Variants in UBE2E1 observed in about 807,000 individuals in gnomAD.
UBE2E1 encodes ubiquitin-conjugating enzyme E2 E1.
In UBE2E1, 6 loss-of-function variants were observed where a neutral mutation model predicts 21.4. The observed-to-expected ratio is 0.28, with a 90% CI of 0.15 to 0.55. The LOEUF (loss-of-function observed/expected upper bound fraction) is 0.55, where lower values mean the gene tolerates loss of function less well. UBE2E1 is among the 20% of genes least tolerant of loss of function. UBE2E1 has a pLI of 0.93. For missense variants in UBE2E1, 142 were observed against 236.5 expected (o/e 0.60, Z 2.62); for synonymous variants, 87 against 82.7 (o/e 1.05, Z -0.28).
intron 3 of UBE2E1, among the ~76,000 whole-genome samples, chr3:23,833,115 A>C (rs1699904079): frequency 1.3e-5 from 2 of 152,194 alleles, no homozygotes; most frequent in Admixed American, 1.3e-4. Flanking sequence ...TCAATTTTTC[A>C]ATTTTTGTCC....
intron 4 of UBE2E1, 68 bp from the exon 5 acceptor site, chr3:23,889,043 CA>C: frequency 6.8e-7 from 1 of 1,480,500 alleles, no homozygotes; most frequent in Non-Finnish European, 9.1e-7. Flanking sequence ...TCTTAAGGGT[CA>C]TTCAGTTGAA....
intron 3 of UBE2E1, among the ~76,000 whole-genome samples, chr3:23,867,859 T>C (rs1024278590): frequency 6.6e-6 from 1 of 152,184 alleles, no homozygotes; most frequent in African/African-American, 2.4e-5. Flanking sequence ...TCCAATAAAA[T>C]GTCAGTGGAA....
intron 3 of UBE2E1, among the ~76,000 whole-genome samples, chr3:23,871,559 G>C (rs62255315): frequency 6.7e-6 from 1 of 149,434 alleles, no homozygotes; most frequent in South Asian, 2.1e-4. Flanking sequence ...GGGCGGAGAC[G>C]CTCCTCACTT....
At chr3:23,831,834 T>TA (rs1160578852) in intron 3 of UBE2E1, among the ~76,000 whole-genome samples, 1 of 152,074 alleles carries the variant, frequency 6.6e-6, no homozygotes, top group Non-Finnish European at 1.5e-5. Context: ...ATGCTGGAAT[T>TA]ACAGGTGCCC....
rs187711197 is a variant in UBE2E1, at chr3:23,856,401, G to T, written c.204-31166G>T. 1.6e-3 allele frequency among the ~76,000 whole-genome samples: 248 copies of T among 152,274 alleles called. 1 individual carries two copies. The highest frequency in any genetic ancestry group is 5.9e-3 in the African/African-American group (245 of 41,568). On this transcript the variant is annotated intron_variant, in intron 3 of 5. Coordinates refer to ENST00000306627, the MANE Select transcript of UBE2E1 (RefSeq NM_003341.5). ...AACCCTTTCTTAAAACAGATTTCAG[G>T]GAAGACAGACGTTTAAAACATTAGC...
At chr3:23,873,964 A>G (rs1236815690) in intron 3 of UBE2E1, among the ~76,000 whole-genome samples, 1 of 152,238 alleles carries the variant, frequency 6.6e-6, no homozygotes, top group East Asian at 1.9e-4. Context: ...TGAGCAAAAA[A>G]TCACTGTGCA....
At chr3:23,890,287 A>G (rs932177748) in intron 5 of UBE2E1, among the ~76,000 whole-genome samples, 2 of 152,128 alleles carry the variant, frequency 1.3e-5, no homozygotes, top group Non-Finnish European at 2.9e-5. Context: ...AACTAAGATA[A>G]AGACAGACCA....
intron 3 of UBE2E1, among the ~76,000 whole-genome samples, chr3:23,827,581 C>T (rs968212941): frequency 3.3e-5 from 5 of 152,156 alleles, no homozygotes; most frequent in African/African-American, 1.2e-4. Flanking sequence ...GGTATTTAGG[C>T]CCTGGCCTTC....
At chr3:23,812,853 T>C (rs184041647) in intron 3 of UBE2E1, among the ~76,000 whole-genome samples, 1 of 152,292 alleles carries the variant, frequency 6.6e-6, no homozygotes, top group East Asian at 1.9e-4. Context: ...TGTCTAGTTA[T>C]TGCTCCTGCT....
chr3:23,815,424 C>G (rs1295138630), intron 3 of UBE2E1, among the ~76,000 whole-genome samples: 1 of 152,128 alleles, frequency 6.6e-6, no homozygotes, highest in African/African-American at 2.4e-5. Context: ...AATTCAAATA[C>G]AGAAGTTTGT....
At chr3:23,886,535 T>C (rs1181397650) in intron 3 of UBE2E1, among the ~76,000 whole-genome samples, 1 of 152,216 alleles carries the variant, frequency 6.6e-6, no homozygotes, top group Non-Finnish European at 1.5e-5. Context: ...TGTAATAAGC[T>C]CATTCCCCTA....
intron 3 of UBE2E1, among the ~76,000 whole-genome samples, chr3:23,873,027 A>AT (rs1387270316): frequency 6.6e-6 from 1 of 152,102 alleles, no homozygotes; most frequent in African/African-American, 2.4e-5. Context: ...AAAAAAAAAA[A>AT]AATTAACCTA....
intron 3 of UBE2E1, among the ~76,000 whole-genome samples, chr3:23,821,174 A>G (rs964140790): frequency 3.3e-5 from 5 of 152,250 alleles, no homozygotes; most frequent in Non-Finnish European, 5.9e-5. Context: ...AACAGCAGCT[A>G]AGCAAAAGGA....
intron 3 of UBE2E1, among the ~76,000 whole-genome samples, chr3:23,878,467 C>T (rs971637810): frequency 2.0e-5 from 3 of 152,202 alleles, no homozygotes; most frequent in Non-Finnish European, 4.4e-5. Flanking sequence ...GGCCACAGAC[C>T]CCGTACTGGT....
chr3:23,833,818 G>A (rs1008079834), intron 3 of UBE2E1, among the ~76,000 whole-genome samples: 1 of 152,110 alleles, frequency 6.6e-6, no homozygotes, highest in African/African-American at 2.4e-5. Context: ...GCAACACAGC[G>A]AGACCCTATC....
intron 2 of UBE2E1, chr3:23,807,985 G>A (rs1292586210): frequency 6.6e-6 from 1 of 152,236 alleles, no homozygotes; most frequent in Non-Finnish European, 1.5e-5. Context: ...GCAAATGAAT[G>A]AATCAGTAAG....
At chr3:23,834,752 A>C (rs561290124) in intron 3 of UBE2E1, among the ~76,000 whole-genome samples, 1 of 152,248 alleles carries the variant, frequency 6.6e-6, no homozygotes, top group East Asian at 1.9e-4. Flanking sequence ...GGAAAAAAAA[A>C]CTTACACTGC....
intron 3 of UBE2E1, among the ~76,000 whole-genome samples, chr3:23,882,133 C>G (rs1324592047): frequency 1.3e-5 from 2 of 152,216 alleles, no homozygotes; most frequent in East Asian, 3.8e-4. Context: ...GGGGCCTGAG[C>G]AGGTTGCCAC....
chr3:23,827,618 C>T (rs1187155378), intron 3 of UBE2E1, among the ~76,000 whole-genome samples: 3 of 152,122 alleles, frequency 2.0e-5, no homozygotes, highest in Non-Finnish European at 2.9e-5. Context: ...ACTCTACTGC[C>T]TCTTATAGTG....
Sources: allele counts gnomAD v4.1 joint callset (sites outside exome capture counted in the v4.1 genomes callset), GRCh38; gene constraint gnomAD v4.1.1; transcripts MANE v1.5; gene names NCBI Gene and HGNC (gene_info 2026-07-23, HGNC 2026-07-21).